Variants in SPTA1 observed in about 807,000 individuals in gnomAD.
The protein encoded by SPTA1 is spectrin alpha chain, erythrocytic 1.
Under a neutral mutation model 324.7 loss-of-function variants are expected in SPTA1, and 177 were observed. The ratio of observed to expected loss-of-function variants is 0.55; its 90% CI spans 0.48 to 0.62. SPTA1 has a LOEUF of 0.62. Among genes scored for constraint, SPTA1 ranks in the 20% least tolerant of loss-of-function variants. SPTA1 has a pLI of 0.00. For synonymous variants in SPTA1, 1,195 were observed against 1,041.3 expected (o/e 1.15, Z -2.84); for missense variants, 3,162 against 2,883.6 (o/e 1.10, Z -2.21).
At chr1:158,660,983 T>C (rs1653166423) in intron 18 of SPTA1, among the ~76,000 whole-genome samples, 1 of 152,216 alleles carries the variant, frequency 6.6e-6, no homozygotes, top group Admixed American at 6.5e-5. Flanking sequence ...CATAGGGCTT[T>C]GTAAATTAGA....
At chr1:158,649,817 T>C (rs751738903) in intron 25 of SPTA1, 39 bp downstream of exon 25, 1 of 1,519,926 alleles carries the variant, frequency 6.6e-7, no homozygotes, top group African/African-American at 1.4e-5. Flanking sequence ...AGTGAGTGGG[T>C]TTTAAAGCAG....
At position 158,686,641 on chromosome 1, in the gene SPTA1, G is replaced by GTAA; in HGVS notation, c.-125_-124insTTA. The stretch of plus-strand genomic sequence containing the variant: ...AATATAGAAACGTTAAGTATGTGGG[G>GTAA]GAAAAAAAAAAACCTCTTGCTTGGT... On this transcript the variant is annotated 5_prime_UTR_variant, in exon 1 of 52. Transcript: ENST00000643759. The GTAA allele has an allele frequency of 1.4e-6, 1 of 693,304 alleles. No individual in the cohort carries two copies. The highest frequency in any genetic ancestry group is 2.4e-6 in the Non-Finnish European group (1 of 414,628). The allele number at this position is 693,304 out of a possible 1,614,324, so 42.9% of individuals were successfully genotyped here. A position where few individuals can be genotyped will look rare whatever the true frequency, so the allele number is the denominator to read the frequency against.
In SPTA1 at chr1:158,649,915, C is replaced by T; in HGVS notation, c.3510G>A (p.Arg1170=). 1.2e-6 allele frequency: 2 copies of T among 1,613,840 alleles called. No homozygotes were observed. Among genetic ancestry groups the T allele is most frequent in the Non-Finnish European group, 1.7e-6 (2 of 1,179,876 alleles). ...GCAGCTGCCGCTGTTCATCTGCAAG[C>T]CTCTGCAAAGAACCCCAGCGGGAAT... is the stretch of plus-strand genomic sequence containing the variant. The part of the protein sequence containing the change: ...ELNSRWGSLQ[R]LADEQRQLLG... Residue 1170 remains arginine (R), a synonymous_variant, in exon 25 of 52, where the codon AGG becomes AGA. Transcript: ENST00000643759.
intron 26 of SPTA1, among the ~76,000 whole-genome samples, chr1:158,648,003 GT>G (rs1451002753): frequency 6.6e-6 from 1 of 152,130 alleles, no homozygotes; most frequent in Non-Finnish European, 1.5e-5. Flanking sequence ...AAACCCAAGG[GT>G]CTTGATTCTT....
In SPTA1 at chr1:158,623,019, T is replaced by C. The variant is rs1571384815; in HGVS notation, c.6084A>G (p.Arg2028=). 2.5e-6 allele frequency: 4 copies of C among 1,614,212 alleles called. No homozygotes were observed. The East Asian group carries it at 8.9e-5, about 36-fold the overall frequency. ...EQLLEASAVH[R]QKLLEKQLPL... is the part of the protein sequence containing the mutation. ...GCAGCTGTTTCTCCAGCAATTTCTG[T>C]CTGTGGACTGCCGAGGCTTCCAGCA... The change falls in exon 43 of 52, where the codon AGA becomes AGG. Residue 2028 remains arginine (R), a synonymous_variant. Coordinates refer to ENST00000643759, the MANE Select transcript of SPTA1 (RefSeq NM_003126.4).
chr1:158,620,234 G>A lies in SPTA1; in HGVS notation c.6353C>T (p.Pro2118Leu), dbSNP rs746880388. Reference sequence around the variant, plus strand: ...CACCTCCACTGTTAACCAGGTATAAGGGCTGGAAGGCACACCTAAGGCCTT... The same window carrying A: ...CACCTCCACTGTTAACCAGGTATAAAGGCTGGAAGGCACACCTAAGGCCTT... ...QIKALGVPSSPYTWLTVEVLE... is the reference protein window; with the variant it reads ...QIKALGVPSSLYTWLTVEVLE... Residue 2118 changes from proline (P) to leucine (L), a missense_variant, in exon 44 of 52, where the codon CCT becomes CTT. Physicochemically the swap from Pro to Leu is moderately conservative, Grantham distance 98. Transcript: ENST00000643759. 2.5e-6 allele frequency: 4 copies of A among 1,613,996 alleles called. No homozygotes were observed. Among genetic ancestry groups the A allele is most frequent in the Admixed American group, 3.3e-5 (2 of 59,994 alleles).
chr1:158,644,934 C>T (rs1396004139), intron 29 of SPTA1, among the ~76,000 whole-genome samples: 1 of 152,156 alleles, frequency 6.6e-6, no homozygotes, highest in African/African-American at 2.4e-5. Context: ...CTCAGTCAAT[C>T]AACAAATGAT....
At chr1:158,618,101 A>T in intron 45 of SPTA1, 45 bp from the exon 46 acceptor site, 3 of 1,576,520 alleles carry the variant, frequency 1.9e-6, no homozygotes, top group Non-Finnish European at 2.6e-6. Flanking sequence ...GAGAAAAGGG[A>T]GATGATATGT....
intron 38 of SPTA1, 90 bp from the exon 39 acceptor site, chr1:158,634,765 A>C (rs1571408435): frequency 1.3e-6 from 2 of 1,499,464 alleles, no homozygotes; most frequent in Admixed American, 3.5e-5. Context: ...ATTCAGGCAG[A>C]CCAGCTTATT....
intron 49 of SPTA1, 75 bp from the exon 50 acceptor site, chr1:158,613,942 C>T (rs1649405936): frequency 6.7e-7 from 1 of 1,495,214 alleles, no homozygotes. Flanking sequence ...AGGAATATGT[C>T]TTATTGCGTC....
chr1:158,639,453 A>C (rs1364840127), intron 35 of SPTA1, 129 bp downstream of exon 35: 1 of 894,102 alleles, frequency 1.1e-6, no homozygotes. Flanking sequence ...AATTAAAATG[A>C]CTGCTGGTTG....
At chr1:158,629,490 A>G (rs542604865) in intron 39 of SPTA1, among the ~76,000 whole-genome samples, 2 of 152,006 alleles carry the variant, frequency 1.3e-5, no homozygotes, top group Non-Finnish European at 2.9e-5. Context: ...GCACTCTTTC[A>G]TGATAAAAAC....
chr1:158,615,455 A>C, intron 47 of SPTA1, 52 bp from the exon 48 acceptor site: 18 of 1,576,848 alleles, frequency 1.1e-5, no homozygotes, highest in Non-Finnish European at 1.2e-5. Context: ...TTACCAGCTC[A>C]AAACCTAGAG....
rs1279869282 is a variant in SPTA1 at position 158,680,706 on chromosome 1, C to T, written c.555G>A (p.Glu185=). 4 of 1,613,850 alleles carry T rather than the reference C, an allele frequency of 2.5e-6. No homozygotes were observed. The highest frequency in any genetic ancestry group is 1.7e-5 in the Admixed American group (1 of 59,954). ...GDKEAIATSV[E]LGEDWERTEV... is the part of the protein sequence containing the mutation. ...CGGTGCGCTCCCAGTCTTCACCTAGCTCCACTGATGTCGCTATAGCCTCCT... is the reference window on the plus strand; with the variant it reads ...CGGTGCGCTCCCAGTCTTCACCTAGTTCCACTGATGTCGCTATAGCCTCCT... Residue 185 remains glutamate, a synonymous_variant, in exon 5 of 52, where the codon GAG becomes GAA. Coordinates refer to ENST00000643759, the MANE Select transcript of SPTA1 (RefSeq NM_003126.4).
Position 158,620,158 on chromosome 1 carries a change from G to A in SPTA1, c.6417+12C>T. On this transcript the variant is annotated intron_variant, in intron 44 of 51. Transcript: ENST00000643759. ...TGTAGTGAAAGGAAGTTTCTGCCGT[G>A]TTCCAGGTTACCTCAATGATGTCAG... is the stretch of plus-strand genomic sequence containing the variant. 6.2e-7 allele frequency: 1 copy of A among 1,614,076 alleles called. No individual in the cohort carries two copies.
intron 26 of SPTA1, 109 bp from the exon 27 acceptor site, chr1:158,647,829 G>T: frequency 8.7e-7 from 1 of 1,152,002 alleles, no homozygotes; most frequent in Non-Finnish European, 1.3e-6. Context: ...TATCAGTGAT[G>T]TACAAGTATG....
rs886038524 is a variant in SPTA1, at chr1:158,636,621, A to G, written c.5310+20T>C. 13 of 1,613,586 alleles carry G rather than the reference A, an allele frequency of 8.1e-6. No individual in the cohort carries two copies. Among genetic ancestry groups the G allele is most frequent in the Non-Finnish European group, 1.0e-5 (12 of 1,179,766 alleles). On this transcript the variant is annotated intron_variant, in intron 37 of 51. Transcript: ENST00000643759. The stretch of plus-strand genomic sequence containing the variant: ...TATAGGATGATTTCTATATTTTCAG[A>G]TCTGGTATTCTATTCCTACCTGGAT...
chr1:158,625,998 A>G, intron 42 of SPTA1, 148 bp downstream of exon 42: 1 of 648,638 alleles, frequency 1.5e-6, no homozygotes, highest in Non-Finnish European at 2.6e-6. Flanking sequence ...GGGAAAAAAT[A>G]ATAATTAGGA....
rs1571515446 is a variant in SPTA1, at chr1:158,674,827, C to T, written c.1113-152G>A. 1.7e-5 allele frequency: 19 copies of T among 1,113,350 alleles called. No individual in the cohort carries two copies. In the East Asian group the frequency reaches 4.2e-4, roughly 25 times the overall value. The allele number at this position is 1,113,350 out of a possible 1,614,324, so 69.0% of individuals were successfully genotyped here. On this transcript the variant is annotated intron_variant, in intron 8 of 51. Coordinates refer to ENST00000643759, the MANE Select transcript of SPTA1 (RefSeq NM_003126.4). ...TTTCCTGATTATTTCCTGTTATTTACAGTCAGAGATTAGTGGTGCAGGTTG... is the reference window on the plus strand; with the variant it reads ...TTTCCTGATTATTTCCTGTTATTTATAGTCAGAGATTAGTGGTGCAGGTTG...
Sources: gnomAD v4.1 joint callset for allele counts (sites outside exome capture counted in the v4.1 genomes callset) on GRCh38, gnomAD v4.1.1 for gene constraint, MANE v1.5 for transcripts, NCBI Gene and HGNC (gene_info 2026-07-23, HGNC 2026-07-21) for gene names.